Variants in COL11A2 observed in about 807,000 individuals in gnomAD.
COL11A2 encodes collagen type XI alpha 2 chain, also known as collagen alpha-2(XI) chain.
Under a neutral mutation model 273.4 loss-of-function variants are expected in COL11A2, and 116 were observed. That is an observed-to-expected ratio of 0.42 (90% CI 0.36 to 0.49). COL11A2 has a LOEUF of 0.49. Among genes scored for constraint, COL11A2 ranks in the 20% least tolerant of loss-of-function variants. The pLI is 0.00. For synonymous variants in COL11A2, 782 were observed against 864.2 expected, an observed-to-expected ratio of 0.90 and a Z score of 1.67; for missense variants, 1,866 against 2,309.0, an observed-to-expected ratio of 0.81 and a Z score of 3.93.
chr6:33,175,540 A>G (rs371566744), intron 30 of COL11A2, 34 bp downstream of exon 30: 43 of 1,588,274 alleles, frequency 2.7e-5, no homozygotes, highest in Admixed American at 3.3e-5. Flanking sequence ...CCACACCCCC[A>G]GAGGACCCAG....
In COL11A2 at chr6:33,167,911, T is replaced by C; in HGVS notation, c.3961-59A>G. 6.3e-7 allele frequency: 1 copy of C among 1,585,752 alleles called. No homozygotes were observed. Among genetic ancestry groups the C allele is most frequent in the Admixed American group, 1.7e-5 (1 of 58,550 alleles). On this transcript the variant is annotated intron_variant, in intron 54 of 65. Coordinates refer to ENST00000341947, the MANE Select transcript of COL11A2 (RefSeq NM_080680.3). This position sits in a 1 kb window ranked among gnomAD's most constrained non-coding sequence, Gnocchi z 6.1. The stretch of plus-strand genomic sequence containing the variant: ...GCCGTGGGCAGCCAGGCTCAACTCT[T>C]CCCCCTTCCTGTCCTAGACACACAC...
In COL11A2 at chr6:33,176,155, G is replaced by C; in HGVS notation, c.2215-86C>G. 6.2e-7 allele frequency: 1 copy of C among 1,607,148 alleles called. No individual in the cohort carries two copies. Among genetic ancestry groups the C allele is most frequent in the Non-Finnish European group, 8.5e-7 (1 of 1,174,590 alleles). On this transcript the variant is annotated intron_variant, in intron 28 of 65. Coordinates refer to ENST00000341947, the MANE Select transcript of COL11A2 (RefSeq NM_080680.3). The surrounding 1 kb of genome is among the most constrained non-coding windows in gnomAD (Gnocchi z 4.9). Reference sequence around the variant, plus strand: ...ATTCTGAGAACATAGGTGGAAGCAGGGGCTCGGGAGCTGGACGGCAGTGCG... The same window carrying C: ...ATTCTGAGAACATAGGTGGAAGCAGCGGCTCGGGAGCTGGACGGCAGTGCG...
At position 33,176,551 on chromosome 6, in the gene COL11A2, G is replaced by A. The variant is rs1024322186; in HGVS notation, c.2116-65C>T. 7 of 1,509,522 alleles carry A rather than the reference G, an allele frequency of 4.6e-6. No homozygotes were observed. In the African/African-American group the frequency reaches 9.7e-5, roughly 21 times the overall value. The allele number at this position is 1,509,522 out of a possible 1,614,324, so 93.5% of individuals were successfully genotyped here. A position where few individuals can be genotyped will look rare whatever the true frequency, so the allele number is the denominator to read the frequency against. On this transcript the variant is annotated intron_variant, in intron 26 of 65. Coordinates refer to ENST00000341947, the MANE Select transcript of COL11A2 (RefSeq NM_080680.3). This position sits in a 1 kb window ranked among gnomAD's most constrained non-coding sequence, Gnocchi z 4.9. ...AGTGTCACTGTGGGGGCCTCCAGGGGTGGAAGAAATGGAAGTAACAACATT... is the reference window on the plus strand; with the variant it reads ...AGTGTCACTGTGGGGGCCTCCAGGGATGGAAGAAATGGAAGTAACAACATT...
intron 4 of COL11A2, 129 bp from the exon 5 acceptor site, chr6:33,186,947 C>A (rs759043980): frequency 4.9e-6 from 6 of 1,213,768 alleles, no homozygotes; most frequent in Non-Finnish European, 7.2e-6. Context: ...TGTCAGTCCT[C>A]CATATGCATA....
rs774007370 is a variant in COL11A2, at chr6:33,178,776, C to T, written c.1666-44G>A. ...GCCAGAGTGAGGACACGACCCTGTC[C>T]AAGCCCACCCCTCCCTACTGCACCC... On this transcript the variant is annotated intron_variant, in intron 17 of 65. Coordinates refer to ENST00000341947, the MANE Select transcript of COL11A2 (RefSeq NM_080680.3). This position sits in a 1 kb window ranked among gnomAD's most constrained non-coding sequence, Gnocchi z 4.6. 1.2e-6 allele frequency: 2 copies of T among 1,611,316 alleles called. No homozygotes were observed. Among genetic ancestry groups the T allele is most frequent in the Non-Finnish European group, 1.7e-6 (2 of 1,178,546 alleles).
intron 30 of COL11A2, among the ~76,000 whole-genome samples, chr6:33,174,911 C>T (rs2150562931): frequency 6.6e-6 from 1 of 152,210 alleles, no homozygotes; most frequent in East Asian, 1.9e-4. Context: ...GGATCTACCC[C>T]AGCACCCACT....
intron 29 of COL11A2, 39 bp downstream of exon 29, chr6:33,175,977 A>G (rs1430006502): frequency 6.2e-7 from 1 of 1,610,822 alleles, no homozygotes; most frequent in African/African-American, 1.3e-5. Context: ...GAGGCTCAGT[A>G]GAACACGGAA....
At position 33,189,298 on chromosome 6, in the gene COL11A2, T is replaced by C; in HGVS notation, c.232+22A>G. 1 of 1,614,014 alleles carries C rather than the reference T, an allele frequency of 6.2e-7. No individual in the cohort carries two copies. Reference sequence around the variant, plus strand: ...CCATCCCATTACCTCCCCCCAGGCCTACCCCACCATGTCACCCATACCTGG... The same window carrying C: ...CCATCCCATTACCTCCCCCCAGGCCCACCCCACCATGTCACCCATACCTGG... On this transcript the variant is annotated intron_variant, in intron 2 of 65. Transcript: ENST00000341947. This position sits in a 1 kb window ranked among gnomAD's most constrained non-coding sequence, Gnocchi z 5.6.
At chr6:33,171,051 G>T (rs1019575238) in intron 45 of COL11A2, 63 bp downstream of exon 45, 3 of 1,574,102 alleles carry the variant, frequency 1.9e-6, no homozygotes, top group Non-Finnish European at 2.6e-6. Context: ...CACAAGGGCA[G>T]AGGGGAGCTG....
Position 33,177,980 on chromosome 6 carries a change from G to T in COL11A2, c.1872+152C>A. ...TCCCTGTGCACGGGGAGCGAATGCT[G>T]AGGCAGGGCAGTGTGGGGCCAGAGC... On this transcript the variant is annotated intron_variant, in intron 21 of 65. Coordinates refer to ENST00000341947, the MANE Select transcript of COL11A2 (RefSeq NM_080680.3). The surrounding 1 kb of genome is among the most constrained non-coding windows in gnomAD (Gnocchi z 5.9). 2 of 899,556 alleles carry T rather than the reference G, an allele frequency of 2.2e-6. No homozygotes were observed. 55.7% of individuals were successfully genotyped at this position (899,556 alleles called of 1,614,324 possible). A position where few individuals can be genotyped will look rare whatever the true frequency, so the allele number is the denominator to read the frequency against.
Position 33,166,121 on chromosome 6 carries a change from C to A in COL11A2, c.4428+50G>T. The A allele has an allele frequency of 6.2e-7, 1 of 1,606,318 alleles. No homozygotes were observed. ...TCTATTTGTCCTGGAGAGACATCAT[C>A]AAGTCCAGAGGGGGTGGAGCAAAGG... On this transcript the variant is annotated intron_variant, in intron 61 of 65. Transcript: ENST00000341947. The surrounding 1 kb of genome is among the most constrained non-coding windows in gnomAD (Gnocchi z 4.8).
intron 5 of COL11A2, chr6:33,186,370 G>A: frequency 7.1e-7 from 1 of 1,401,104 alleles, no homozygotes; most frequent in African/African-American, 1.4e-5. Flanking sequence ...AGAAGGAAGG[G>A]AAAACCCAGG....
At position 33,170,017 on chromosome 6, in the gene COL11A2, G is replaced by C; in HGVS notation, c.3636+30C>G. On this transcript the variant is annotated intron_variant, in intron 49 of 65. Transcript: ENST00000341947. The surrounding 1 kb of genome is among the most constrained non-coding windows in gnomAD (Gnocchi z 4.3). ...TCCAACTCCCATCCCCCACTTCCATGACTGGTCCACTCACCCCCTTCCCAG... is the reference window on the plus strand; with the variant it reads ...TCCAACTCCCATCCCCCACTTCCATCACTGGTCCACTCACCCCCTTCCCAG... 1.9e-6 allele frequency: 3 copies of C among 1,613,030 alleles called. No homozygotes were observed. The highest frequency in any genetic ancestry group is 2.5e-6 in the Non-Finnish European group (3 of 1,179,816).
rs771850841 is a variant in COL11A2, at chr6:33,173,486, C to T, written c.2682+16G>A. 1 of 1,612,160 alleles carries T rather than the reference C, an allele frequency of 6.2e-7. No individual in the cohort carries two copies. Among genetic ancestry groups the T allele is most frequent in the South Asian group, 1.1e-5 (1 of 91,028 alleles). ...CTCAGAGAAGCGAGGTGGGTCAGAG[C>T]TCGGGGTCAACTTACCGGGGGTCCT... On this transcript the variant is annotated intron_variant, in intron 36 of 65. Coordinates refer to ENST00000341947, the MANE Select transcript of COL11A2 (RefSeq NM_080680.3). The surrounding 1 kb of genome is among the most constrained non-coding windows in gnomAD (Gnocchi z 6.3).
At position 33,166,694 on chromosome 6, in the gene COL11A2, C is replaced by T. The variant is rs777372477; in HGVS notation, c.4338+26G>A. The T allele has an allele frequency of 6.2e-7, 1 of 1,613,844 alleles. No individual in the cohort carries two copies. Among genetic ancestry groups the T allele is most frequent in the Non-Finnish European group, 8.5e-7 (1 of 1,179,882 alleles). On this transcript the variant is annotated intron_variant, in intron 59 of 65. Coordinates refer to ENST00000341947, the MANE Select transcript of COL11A2 (RefSeq NM_080680.3). This position sits in a 1 kb window ranked among gnomAD's most constrained non-coding sequence, Gnocchi z 4.8. Reference sequence around the variant, plus strand: ...TCCACCCCACTCTCAACCCCCACAACTTCCGGGACCATGCCCTCTACTCAC... The same window carrying T: ...TCCACCCCACTCTCAACCCCCACAATTTCCGGGACCATGCCCTCTACTCAC...
Position 33,173,782 on chromosome 6 carries a change from T to C in COL11A2, c.2584-37A>G. 1.2e-6 allele frequency: 2 copies of C among 1,607,288 alleles called. No individual in the cohort carries two copies. The highest frequency in any genetic ancestry group is 1.7e-6 in the Non-Finnish European group (2 of 1,174,952). ...AACAGAGTCAAGGAGTGGGAAGAGCTGCTTTCCAGCTGTCCCCGAGGTCAG... is the reference window on the plus strand; with the variant it reads ...AACAGAGTCAAGGAGTGGGAAGAGCCGCTTTCCAGCTGTCCCCGAGGTCAG... On this transcript the variant is annotated intron_variant, in intron 34 of 65. Transcript: ENST00000341947. The surrounding 1 kb of genome is among the most constrained non-coding windows in gnomAD (Gnocchi z 6.3).
In COL11A2 at chr6:33,170,522, G is replaced by A. The variant is rs768375732; in HGVS notation, c.3528+35C>T. 1.2e-6 allele frequency: 2 copies of A among 1,610,850 alleles called. No individual in the cohort carries two copies. The highest frequency in any genetic ancestry group is 1.7e-5 in the Admixed American group (1 of 59,976). ...GGCTGGCCAGGGAGGGGGGTGACTA[G>A]TATGGTGGCTAGGGTCAGTAGGGGT... On this transcript the variant is annotated intron_variant, in intron 47 of 65. Transcript: ENST00000341947. This position sits in a 1 kb window ranked among gnomAD's most constrained non-coding sequence, Gnocchi z 4.3.
chr6:33,185,581 A>G, intron 6 of COL11A2, 120 bp downstream of exon 6: 1 of 507,882 alleles, frequency 2.0e-6, no homozygotes, highest in East Asian at 5.6e-5. Flanking sequence ...GTAAATCCCC[A>G]TAATCTAAAC....
At position 33,166,735 on chromosome 6, in the gene COL11A2, C is replaced by T. The variant is rs1476202918; in HGVS notation, c.4323G>A (p.Gly1441=). The part of the protein sequence containing the change: ...RGLPGPQGSP[G]QKGEMGIPGA... ...CTCTACTCACCATCTCACCCTTCTG[C>T]CCAGGGGAGCCCTGAGGCCCAGGAA... The change falls in exon 59 of 66, where the codon GGG becomes GGA. Residue 1441 remains glycine, a synonymous_variant. Coordinates refer to ENST00000341947, the MANE Select transcript of COL11A2 (RefSeq NM_080680.3). The surrounding 1 kb of genome is among the most constrained non-coding windows in gnomAD (Gnocchi z 4.8). 6.2e-7 allele frequency: 1 copy of T among 1,613,766 alleles called. No individual in the cohort carries two copies. The highest frequency in any genetic ancestry group is 8.5e-7 in the Non-Finnish European group (1 of 1,180,036).
Sources: allele counts gnomAD v4.1 joint callset (sites outside exome capture counted in the v4.1 genomes callset), GRCh38; gene constraint gnomAD v4.1.1; non-coding constraint Gnocchi (gnomAD v3.1); transcripts MANE v1.5; gene names NCBI Gene and HGNC (gene_info 2026-07-23, HGNC 2026-07-21).